CEP63: variants seen among roughly 807,000 people sequenced by gnomAD.
CEP63 encodes the protein centrosomal protein of 63 kDa.
In CEP63, 84 loss-of-function variants were observed where a neutral mutation model predicts 89.1. The ratio of observed to expected loss-of-function variants is 0.94; its 90% CI spans 0.79 to 1.13. The LOEUF (loss-of-function observed/expected upper bound fraction) is 1.13, where lower values mean the gene tolerates loss of function less well. Among genes scored for constraint, CEP63 ranks in the 50% most tolerant of loss-of-function variants. The pLI is 0.00. For synonymous variants in CEP63, 267 were observed against 272.5 expected (o/e 0.98, Z 0.20); for missense variants, 838 against 813.3 (o/e 1.03, Z -0.37).
Position 134,586,877 on chromosome 3 carries a change from G to T in CEP63, c.1207-581G>T, listed in dbSNP as rs1416670453. Among the ~76,000 whole-genome samples the T allele has an allele frequency of 5.9e-5, 9 of 152,106 alleles. No individual in the cohort carries two copies. The East Asian group carries it at 1.7e-3, about 29-fold the overall frequency. ...TCACATAGTCCCATATTTCTTGTAG[G>T]CTTTGTTTGTTTCTTTTTACTCTTT... On this transcript the variant is annotated intron_variant, in intron 10 of 10. Transcript: ENST00000683931.
the CEP63 span, among the ~76,000 whole-genome samples, chr3:134,631,537 T>C: frequency 1.1e-5 from 1 of 94,102 alleles, no homozygotes; most frequent in South Asian, 3.6e-4. Context: ...TTATAACATC[T>C]GATAGGTTTT....
intron 2 of CEP63, among the ~76,000 whole-genome samples, chr3:134,499,500 CTA>C (rs1473193483): frequency 6.6e-6 from 1 of 151,952 alleles, no homozygotes; most frequent in African/African-American, 2.4e-5. Flanking sequence ...TTTTTAGTCT[CTA>C]TTTTGTTTAT....
chr3:134,699,665 T>C, the CEP63 span, among the ~76,000 whole-genome samples: 1 of 152,212 alleles, frequency 6.6e-6, no homozygotes, highest in African/African-American at 2.4e-5. Flanking sequence ...GTCTCTGACC[T>C]GGTCCCTCCT....
chr3:134,780,418 C>T, the CEP63 span: 3 of 152,162 alleles, frequency 2.0e-5, no homozygotes, highest in South Asian at 4.1e-4. Context: ...ATTCCTCTTC[C>T]CCCATCCCCT....
At chr3:134,647,715 G>C in the CEP63 span, among the ~76,000 whole-genome samples, 1 of 152,338 alleles carries the variant, frequency 6.6e-6, no homozygotes, top group South Asian at 2.1e-4. Flanking sequence ...GGGCAGCAGG[G>C]TTGGTTATCA....
the CEP63 span, among the ~76,000 whole-genome samples, chr3:134,726,371 CCT>C: frequency 6.6e-6 from 1 of 151,978 alleles, no homozygotes; most frequent in Non-Finnish European, 1.5e-5. Flanking sequence ...CCAGAATCCT[CCT>C]TGTTTACCAC....
chr3:134,627,243 T>C, the CEP63 span, among the ~76,000 whole-genome samples: 1 of 152,188 alleles, frequency 6.6e-6, no homozygotes, highest in African/African-American at 2.4e-5. Context: ...ATTCTGATTT[T>C]AAAGCAAAAC....
At chr3:134,732,104 A>T in the CEP63 span, among the ~76,000 whole-genome samples, 15 of 152,242 alleles carry the variant, frequency 9.9e-5, no homozygotes, top group Admixed American at 7.2e-4. Flanking sequence ...GATCCTGCAG[A>T]GATAAAAAAT....
At chr3:134,640,634 G>T in the CEP63 span, among the ~76,000 whole-genome samples, 93 of 152,340 alleles carry the variant, frequency 6.1e-4, no homozygotes, top group Admixed American at 2.5e-3. Flanking sequence ...GGCACATGGA[G>T]TAACGATTCC....
chr3:134,689,287 G>A, the CEP63 span, among the ~76,000 whole-genome samples: 2 of 152,052 alleles, frequency 1.3e-5, no homozygotes, highest in East Asian at 3.8e-4. Flanking sequence ...AAAAAACTAT[G>A]AGACAGAAAA....
chr3:134,600,379 T>G, the CEP63 span, among the ~76,000 whole-genome samples: 1 of 152,260 alleles, frequency 6.6e-6, no homozygotes, highest in Non-Finnish European at 1.5e-5. Flanking sequence ...GTTCTTTATG[T>G]CTAGCCGAAA....
At chr3:134,578,349 A>ATTTTTTT (rs1958266612), downstream of CEP63, among the ~76,000 whole-genome samples, 1 of 7,202 alleles carries the variant, frequency 1.4e-4, no homozygotes, top group African/African-American at 5.2e-4. Flanking sequence ...TTTTTTTTTG[A>ATTTTTTT]GATGGAGTCT....
intron 10 of CEP63, among the ~76,000 whole-genome samples, chr3:134,584,553 T>A (rs987479712): frequency 6.6e-6 from 1 of 152,206 alleles, no homozygotes; most frequent in Non-Finnish European, 1.5e-5. Context: ...CATAAGCTTT[T>A]TGATGTGCTG....
the CEP63 span, among the ~76,000 whole-genome samples, chr3:134,679,464 C>T: frequency 6.6e-6 from 1 of 152,212 alleles, no homozygotes; most frequent in Non-Finnish European, 1.5e-5. Context: ...GTCTCGGGAG[C>T]AGTCCAGCAG....
the CEP63 span, among the ~76,000 whole-genome samples, chr3:134,650,567 C>T: frequency 6.6e-6 from 1 of 152,160 alleles, no homozygotes; most frequent in Non-Finnish European, 1.5e-5. Flanking sequence ...AAAAAGACTC[C>T]CAGGGGTGAC....
the CEP63 span, among the ~76,000 whole-genome samples, chr3:134,707,739 C>CTTTTTTT: frequency 2.1e-4 from 25 of 120,440 alleles, 6 homozygotes; most frequent in Non-Finnish European, 3.3e-4. Context: ...TGATTCTTTT[C>CTTTTTTT]TTTTTTTTTT....
Position 134,564,268 on chromosome 3 carries a change from A to G in CEP63, c.*2733A>G, listed in dbSNP as rs2110225102. ...ATGGAAAATGCCATTCCTGAGGTGC[A>G]CCACATCGTTTCTTTTGTGTTGGTG... On this transcript the variant is annotated 3_prime_UTR_variant, in exon 15 of 15. Coordinates refer to ENST00000675561, the MANE Select transcript of CEP63 (RefSeq NM_001353108.3). 3.0e-6 allele frequency: 3 copies of G among 985,422 alleles called. 1 individual carries two copies. The highest frequency in any genetic ancestry group is 9.4e-5 in the South Asian group (2 of 21,292). The allele number at this position is 985,422 out of a possible 1,614,324, so 61.0% of individuals were successfully genotyped here. A position where few individuals can be genotyped will look rare whatever the true frequency, so the allele number is the denominator to read the frequency against.
chr3:134,619,302 C>A, the CEP63 span: 1 of 1,531,748 alleles, frequency 6.5e-7, no homozygotes, highest in Non-Finnish European at 9.0e-7. Flanking sequence ...AGAGCTTGAG[C>A]CTGGGAGGCG....
At chr3:134,579,978 C>T (rs904290962), downstream of CEP63, among the ~76,000 whole-genome samples, 5 of 152,022 alleles carry the variant, frequency 3.3e-5, no homozygotes, top group African/African-American at 9.7e-5. Context: ...GGTGGATCAC[C>T]TGAGGTCAGG....
Sources: allele counts gnomAD v4.1 joint callset (sites outside exome capture counted in the v4.1 genomes callset), GRCh38; gene constraint gnomAD v4.1.1; transcripts MANE v1.5; gene names NCBI Gene and HGNC (gene_info 2026-07-23, HGNC 2026-07-21).